The following TTLL11 variants were observed in gnomAD, a reference collection of about 807,000 sequenced individuals.
TTLL11 encodes tubulin polyglutamylase TTLL11.
TTLL11 carries 42 observed loss-of-function variants against 51.7 expected under a neutral mutation model. The observed-to-expected ratio is 0.81, with a 90% CI of 0.64 to 1.05. The LOEUF is 1.05. Among genes scored for constraint, TTLL11 ranks in the 50% least tolerant of loss-of-function variants. TTLL11 has a pLI of 0.00. For synonymous variants in TTLL11, 381 were observed against 383.5 expected, an observed-to-expected ratio of 0.99 and a Z score of 0.08; for missense variants, 799 against 940.4, an observed-to-expected ratio of 0.85 and a Z score of 1.97.
Position 121,815,983 on chromosome 9 carries a change from A to C in TTLL11, c.*6604T>G, listed in dbSNP as rs539020558. The C allele has an allele frequency of 1.2e-4, 19 of 152,044 alleles. No homozygotes were observed. The East Asian group carries it at 3.7e-3, about 29-fold the overall frequency. 9.4% of individuals were successfully genotyped at this position (152,044 alleles called of 1,614,324 possible). On this transcript the variant is annotated 3_prime_UTR_variant, in exon 9 of 9. Transcript: ENST00000321582. ...ATCCGTCTTGTTTCCGCACGTCGAGACCCTTCCTTTTCTCGACAGACATGT... is the reference window on the plus strand; with the variant it reads ...ATCCGTCTTGTTTCCGCACGTCGAGCCCCTTCCTTTTCTCGACAGACATGT...
chr9:121,822,556 T>C lies in TTLL11; in HGVS notation c.*31A>G. 1 of 1,425,562 alleles carries C rather than the reference T, an allele frequency of 7.0e-7. No individual in the cohort carries two copies. The highest frequency in any genetic ancestry group is 9.2e-7 in the Non-Finnish European group (1 of 1,086,306). The allele number at this position is 1,425,562 out of a possible 1,614,324, so 88.3% of individuals were successfully genotyped here. ...GCTCCAGCCCTGAAAGCTGCTCTCG[T>C]CTTCCGTTTTCCAGGAGGACAGAGT... On this transcript the variant is annotated 3_prime_UTR_variant, in exon 9 of 9. Transcript: ENST00000321582. The surrounding 1 kb of genome is among the most constrained non-coding windows in gnomAD (Gnocchi z 5.8).
At chr9:122,005,154 T>C (rs998870593) in intron 3 of TTLL11, among the ~76,000 whole-genome samples, 1 of 152,118 alleles carries the variant, frequency 6.6e-6, no homozygotes, top group African/African-American at 2.4e-5. Flanking sequence ...AAATAGTAAA[T>C]TGCCCGTTTC....
intron 6 of TTLL11, among the ~76,000 whole-genome samples, chr9:121,959,551 A>G (rs1842145962): frequency 6.6e-6 from 1 of 151,992 alleles, no homozygotes; most frequent in South Asian, 2.1e-4. Flanking sequence ...GATCCAATCC[A>G]TCACCAAGCC....
At chr9:121,964,301 G>GT (rs1491079834) in intron 6 of TTLL11, among the ~76,000 whole-genome samples, 1 of 134,570 alleles carries the variant, frequency 7.4e-6, no homozygotes, top group East Asian at 2.0e-4. Flanking sequence ...TTTGTTTTTT[G>GT]TTTTTTGTTT....
At chr9:121,923,854 A>G (rs1371278067) in intron 6 of TTLL11, among the ~76,000 whole-genome samples, 2 of 152,106 alleles carry the variant, frequency 1.3e-5, no homozygotes, top group Admixed American at 6.6e-5. Flanking sequence ...GAGAAGTGAT[A>G]TGGTTTGGCT....
chr9:122,082,426 TG>T (rs981247017), intron 1 of TTLL11, among the ~76,000 whole-genome samples: 1 of 139,810 alleles, frequency 7.2e-6, no homozygotes, highest in Non-Finnish European at 1.5e-5. Flanking sequence ...TGCTTGAACC[TG>T]GGAGGCGGAA....
At chr9:122,018,510 G>A (rs1844062777) in intron 3 of TTLL11, among the ~76,000 whole-genome samples, 1 of 152,204 alleles carries the variant, frequency 6.6e-6, no homozygotes. Flanking sequence ...AGAAGCAGGA[G>A]ACATGGCATT....
intron 6 of TTLL11, among the ~76,000 whole-genome samples, chr9:121,936,211 T>C (rs1184682700): frequency 6.6e-6 from 1 of 151,900 alleles, no homozygotes; most frequent in Non-Finnish European, 1.5e-5. Flanking sequence ...AATTCAATCA[T>C]TAAAGGCTGA....
chr9:121,872,351 C>T (rs575186364), intron 6 of TTLL11, among the ~76,000 whole-genome samples: 1 of 152,216 alleles, frequency 6.6e-6, no homozygotes, highest in African/African-American at 2.4e-5. Flanking sequence ...CATGCCTGCA[C>T]TGCACTGGTT....
At chr9:121,925,194 G>A (rs998067294) in intron 6 of TTLL11, among the ~76,000 whole-genome samples, 1 of 152,170 alleles carries the variant, frequency 6.6e-6, no homozygotes, top group African/African-American at 2.4e-5. Context: ...CCAAAGTGCT[G>A]GAGAACCTGA....
chr9:122,000,332 T>C (rs1423820284), intron 3 of TTLL11, among the ~76,000 whole-genome samples: 1 of 151,802 alleles, frequency 6.6e-6, no homozygotes, highest in African/African-American at 2.4e-5. Context: ...ATTAGCCAGA[T>C]GTGGTGGCGG....
At position 121,821,066 on chromosome 9, in the gene TTLL11, T is replaced by G. The variant is rs1836563727; in HGVS notation, c.*1521A>C. On this transcript the variant is annotated 3_prime_UTR_variant, in exon 9 of 9. Coordinates refer to ENST00000321582, the MANE Select transcript of TTLL11 (RefSeq NM_001139442.2). The surrounding 1 kb of genome is among the most constrained non-coding windows in gnomAD (Gnocchi z 5.0). ...GAGCAGCCCCTGCTCTGAAATCGCT[T>G]GCCAACAATTGGAGACATCTTGGAT... Among the ~76,000 whole-genome samples, 2 of 152,038 alleles carry G rather than the reference T, an allele frequency of 1.3e-5. No individual in the cohort carries two copies. Among genetic ancestry groups the G allele is most frequent in the Non-Finnish European group, 2.9e-5 (2 of 67,996 alleles).
At chr9:121,844,862 C>A in intron 8 of TTLL11, among the ~76,000 whole-genome samples, 1 of 151,596 alleles carries the variant, frequency 6.6e-6, no homozygotes. Context: ...GGAGACTATC[C>A]AGGAACAGTG....
chr9:122,093,250 G>T lies in TTLL11; in HGVS notation c.-102C>A, dbSNP rs1479176571. 7 of 1,510,532 alleles carry T rather than the reference G, an allele frequency of 4.6e-6. No homozygotes were observed. Among genetic ancestry groups the T allele is most frequent in the Non-Finnish European group, 5.3e-6 (6 of 1,142,128 alleles). The allele number at this position is 1,510,532 out of a possible 1,614,324, so 93.6% of individuals were successfully genotyped here. On this transcript the variant is annotated 5_prime_UTR_variant, in exon 1 of 9. Coordinates refer to ENST00000321582, the MANE Select transcript of TTLL11 (RefSeq NM_001139442.2). Reference sequence around the variant, plus strand: ...CTGCCGCCGCTGCAGCCGCTGCCACGCGTTCCCCGCCCGAGCCCGTTGCCA... The same window carrying T: ...CTGCCGCCGCTGCAGCCGCTGCCACTCGTTCCCCGCCCGAGCCCGTTGCCA...
chr9:122,016,101 T>C (rs1843968223), intron 3 of TTLL11, among the ~76,000 whole-genome samples: 1 of 152,062 alleles, frequency 6.6e-6, no homozygotes, highest in East Asian at 1.9e-4. Flanking sequence ...GTAGGCTTTA[T>C]AGAGAAAGTT....
At chr9:122,051,539 C>G (rs1276863275) in intron 1 of TTLL11, among the ~76,000 whole-genome samples, 1 of 152,192 alleles carries the variant, frequency 6.6e-6, no homozygotes, top group Non-Finnish European at 1.5e-5. Flanking sequence ...GCTCATCCCA[C>G]GGACCCAAAA....
Position 121,827,068 on chromosome 9 carries a change from T to C in TTLL11, c.1841-4189A>G, listed in dbSNP as rs115807869. Among the ~76,000 whole-genome samples the C allele has an allele frequency of 5.8e-3, 889 of 152,316 alleles. 5 individuals carry two copies. Among genetic ancestry groups the C allele is most frequent in the African/African-American group, 0.018 (767 of 41,566 alleles). ...CAAGGCCCGCGTGATCCGAGTCCCA[T>C]GGGTTTGGACCCATAACAGTCTGAT... On this transcript the variant is annotated intron_variant, in intron 8 of 8. Coordinates refer to ENST00000321582, the MANE Select transcript of TTLL11 (RefSeq NM_001139442.2).
intron 2 of TTLL11, among the ~76,000 whole-genome samples, chr9:122,032,695 G>C (rs982513514): frequency 6.6e-6 from 1 of 150,506 alleles, no homozygotes; most frequent in Non-Finnish European, 1.5e-5. Flanking sequence ...AACATCATTA[G>C]TAACTCTGAC....
At chr9:122,082,143 T>C (rs928348227) in intron 1 of TTLL11, among the ~76,000 whole-genome samples, 3 of 152,192 alleles carry the variant, frequency 2.0e-5, no homozygotes, top group African/African-American at 7.2e-5. Context: ...ATAAAGTACA[T>C]ATGCCCTTTC....
Sources: allele counts gnomAD v4.1 joint callset (sites outside exome capture counted in the v4.1 genomes callset), GRCh38; gene constraint gnomAD v4.1.1; non-coding constraint Gnocchi (gnomAD v3.1); transcripts MANE v1.5; gene names NCBI Gene and HGNC (gene_info 2026-07-23, HGNC 2026-07-21).